Variants in MAP7 observed in about 807,000 individuals in gnomAD.
MAP7 encodes the protein ensconsin.
Under a neutral mutation model 94.8 loss-of-function variants are expected in MAP7, and 52 were observed. The ratio of observed to expected loss-of-function variants is 0.55; its 90% CI spans 0.44 to 0.69. The LOEUF (loss-of-function observed/expected upper bound fraction) is 0.69. MAP7 is among the 30% of genes least tolerant of loss of function. MAP7 has a pLI of 0.00. For missense variants in MAP7, 940 were observed against 964.6 expected (o/e 0.97, Z 0.34); for synonymous variants, 350 against 357.0 (o/e 0.98, Z 0.22).
chr6:136,501,266 G>A (rs1018807532), intron 1 of MAP7, among the ~76,000 whole-genome samples: 5 of 152,182 alleles, frequency 3.3e-5, no homozygotes, highest in African/African-American at 4.8e-5. Flanking sequence ...GACCCCTGGA[G>A]GTCTGTTCCC....
chr6:136,519,826 C>A (rs986779747), intron 1 of MAP7, among the ~76,000 whole-genome samples: 1 of 152,100 alleles, frequency 6.6e-6, no homozygotes, highest in Non-Finnish European at 1.5e-5. Context: ...TTAATATTCA[C>A]AAAGTGGTCA....
At chr6:136,427,310 T>C (rs1218679571) in intron 1 of MAP7, among the ~76,000 whole-genome samples, 1 of 152,252 alleles carries the variant, frequency 6.6e-6, no homozygotes, top group Admixed American at 6.5e-5. Flanking sequence ...AGGTAGGGCA[T>C]ATTTTTGAAG....
At chr6:136,362,326 G>A in intron 11 of MAP7, 124 bp downstream of exon 11, 2 of 1,267,970 alleles carry the variant, frequency 1.6e-6, no homozygotes, top group Non-Finnish European at 2.2e-6. Flanking sequence ...TTAGGTAAGA[G>A]TAATCCTGAA....
rs1007222456 is a variant in MAP7, at chr6:136,550,300, C to T, written c.67+42G>A. Reference sequence around the variant, plus strand: ...CAGCCCGCCGGCCCCGCTCGCCGTCCCCTGCCCGACGGGACCCCCACTATC... The same window carrying T: ...CAGCCCGCCGGCCCCGCTCGCCGTCTCCTGCCCGACGGGACCCCCACTATC... On this transcript the variant is annotated intron_variant, in intron 1 of 17. Transcript: ENST00000354570. This position sits in a 1 kb window ranked among gnomAD's most constrained non-coding sequence, Gnocchi z 5.1. 12 of 1,451,686 alleles carry T rather than the reference C, an allele frequency of 8.3e-6. No individual in the cohort carries two copies. In the African/African-American group the frequency reaches 1.0e-4, roughly 12 times the overall value. 89.9% of individuals were successfully genotyped at this position (1,451,686 alleles called of 1,614,324 possible).
At chr6:136,370,539 A>T (rs1774139453) in intron 8 of MAP7, among the ~76,000 whole-genome samples, 2 of 152,244 alleles carry the variant, frequency 1.3e-5, no homozygotes, top group African/African-American at 4.8e-5. Context: ...TGATAAACAA[A>T]ATGTGGTATA....
intron 7 of MAP7, among the ~76,000 whole-genome samples, chr6:136,374,165 A>G (rs576970155): frequency 1.4e-4 from 22 of 152,350 alleles, no homozygotes; most frequent in Admixed American, 3.3e-4. Flanking sequence ...TTAAAATAAT[A>G]TATGTACGTC....
At chr6:136,548,117 C>A (rs1338375818) in intron 1 of MAP7, among the ~76,000 whole-genome samples, 13 of 131,364 alleles carry the variant, frequency 9.9e-5, no homozygotes, top group African/African-American at 3.7e-4. Context: ...ACCCCCCCAA[C>A]AATTCCATAC....
chr6:136,359,807 T>C lies in MAP7; in HGVS notation c.1912+13A>G. ...TTATATATAAATTGGTTTGAGTTCA[T>C]TGACAGAAATACCTGTTCCTCCAGT... On this transcript the variant is annotated intron_variant, in intron 15 of 17. Coordinates refer to ENST00000354570, the MANE Select transcript of MAP7 (RefSeq NM_003980.6). 1.2e-6 allele frequency: 2 copies of C among 1,610,206 alleles called. No individual in the cohort carries two copies. The highest frequency in any genetic ancestry group is 2.2e-5 in the East Asian group (1 of 44,868).
At chr6:136,388,340 C>T (rs1779730270) in intron 5 of MAP7, 53 bp downstream of exon 5, 3 of 1,320,738 alleles carry the variant, frequency 2.3e-6, no homozygotes, top group African/African-American at 1.5e-5. Context: ...GAAGGAAACA[C>T]CCTGTTACTT....
At chr6:136,497,034 A>G (rs1212027309) in intron 1 of MAP7, among the ~76,000 whole-genome samples, 1 of 151,998 alleles carries the variant, frequency 6.6e-6, no homozygotes, top group Non-Finnish European at 1.5e-5. Context: ...TTTCTGTGCC[A>G]TCATGTAGTG....
At chr6:136,466,006 A>G (rs1175168826) in intron 1 of MAP7, among the ~76,000 whole-genome samples, 1 of 152,172 alleles carries the variant, frequency 6.6e-6, no homozygotes, top group Admixed American at 6.6e-5. Flanking sequence ...ATAAACTTCT[A>G]GAAAAGAAAA....
At chr6:136,389,548 AGG>A in intron 3 of MAP7, 31 bp from the exon 4 acceptor site, 1 of 1,551,480 alleles carries the variant, frequency 6.4e-7, no homozygotes, top group Non-Finnish European at 8.8e-7. Context: ...AAAAAAAAAG[AGG>A]GAAATCAAAT....
At position 136,360,760 on chromosome 6, in the gene MAP7, C is replaced by T; in HGVS notation, c.1740G>A (p.Arg580=). 3 of 1,614,090 alleles carry T rather than the reference C, an allele frequency of 1.9e-6. No individual in the cohort carries two copies. The highest frequency in any genetic ancestry group is 2.5e-6 in the Non-Finnish European group (3 of 1,180,022). The change falls in exon 13 of 18, where the codon AGG becomes AGA. Residue 580 remains arginine, a synonymous_variant. Transcript: ENST00000354570. ...AATGCTTCTCTCGTTCCTGCCGGAC[C>T]CTCTCTGCTTCTTCACGAACGCGAG... ...EEARVREEAE[R]VRQEREKHFQ...
chr6:136,442,630 C>T (rs183856450), intron 1 of MAP7, among the ~76,000 whole-genome samples: 65 of 152,198 alleles, frequency 4.3e-4, no homozygotes, highest in African/African-American at 1.5e-3. Flanking sequence ...TTTTGATGTA[C>T]ATCTCTGGTT....
intron 1 of MAP7, among the ~76,000 whole-genome samples, chr6:136,443,449 C>CTTTTTT (rs149514831): frequency 1.0e-5 from 1 of 99,940 alleles, no homozygotes; most frequent in African/African-American, 3.7e-5. Context: ...TCCCCTTCTA[C>CTTTTTT]TTTTTTTTTT....
intron 3 of MAP7, among the ~76,000 whole-genome samples, chr6:136,391,150 C>T (rs529540224): frequency 2.6e-4 from 40 of 151,894 alleles, no homozygotes; most frequent in Admixed American, 2.0e-3. Context: ...TGAATAGTGC[C>T]GCAATAAACA....
intron 15 of MAP7, 61 bp downstream of exon 15, chr6:136,359,759 C>G (rs960540882): frequency 7.5e-6 from 11 of 1,475,550 alleles, no homozygotes; most frequent in Non-Finnish European, 1.0e-5. Flanking sequence ...TATCTTCACC[C>G]CTGGAGAGTC....
intron 6 of MAP7, among the ~76,000 whole-genome samples, chr6:136,379,773 C>A (rs1416515313): frequency 1.3e-5 from 2 of 152,104 alleles, no homozygotes; most frequent in East Asian, 1.9e-4. Flanking sequence ...AGGCATCGAC[C>A]AAAAAATTTA....
At chr6:136,385,919 T>C in intron 5 of MAP7, among the ~76,000 whole-genome samples, 1 of 152,122 alleles carries the variant, frequency 6.6e-6, no homozygotes, top group South Asian at 2.1e-4. Context: ...TACAGGCATG[T>C]GCCACCATAG....
Sources: gnomAD v4.1 joint callset for allele counts (sites outside exome capture counted in the v4.1 genomes callset) on GRCh38, gnomAD v4.1.1 for gene constraint, Gnocchi (gnomAD v3.1) non-coding constraint, MANE v1.5 for transcripts, NCBI Gene and HGNC (gene_info 2026-07-23, HGNC 2026-07-21) for gene names.